Variants in CHD6 observed in about 807,000 individuals in gnomAD.
CHD6 encodes the protein chromodomain helicase DNA binding protein 6, also known as ATP-dependent chromatin remodeler CHD6.
CHD6 carries 50 observed loss-of-function variants against 276.9 expected under a neutral mutation model. The ratio of observed to expected loss-of-function variants is 0.18; its 90% CI spans 0.14 to 0.23. The LOEUF is 0.23. CHD6 is among the 10% of genes least tolerant of loss of function. CHD6 has a pLI of 1.00. For synonymous variants in CHD6, 1,173 were observed against 1,229.3 expected (o/e 0.95, Z 0.96); for missense variants, 2,564 against 3,365.8 (o/e 0.76, Z 5.89).
rs548324728 is a variant in CHD6 at position 41,490,350 on chromosome 20, A to G, written c.1437-329T>C. Reference sequence around the variant, plus strand: ...ACCTAGATGGTATAGCCTACTACATACCTAGGCTATGTGGTATATAGCCTA... The same window carrying G: ...ACCTAGATGGTATAGCCTACTACATGCCTAGGCTATGTGGTATATAGCCTA... On this transcript the variant is annotated intron_variant, in intron 11 of 36. Transcript: ENST00000373233. 3.3e-5 allele frequency among the ~76,000 whole-genome samples: 5 copies of G among 152,312 alleles called. No homozygotes were observed. In the South Asian group the frequency reaches 6.2e-4, roughly 19 times the overall value.
intron 33 of CHD6, 45 bp from the exon 34 acceptor site, chr20:41,415,683 T>C: frequency 1.4e-6 from 2 of 1,408,770 alleles, no homozygotes; most frequent in Non-Finnish European, 1.9e-6. Context: ...GTCACACAAG[T>C]GGCTGAATGC....
intron 17 of CHD6, among the ~76,000 whole-genome samples, chr20:41,470,730 C>T (rs6029698): frequency 0.23 from 35,081 of 152,248 alleles, 4,210 homozygotes; most frequent in East Asian, 0.39. Context: ...TCAGTCACCT[C>T]AGATGACTTT....
chr20:41,468,042 GTCA>G lies in CHD6; in HGVS notation c.2664+5277_2664+5279del, dbSNP rs375552426. Among the ~76,000 whole-genome samples the G allele has an allele frequency of 4.1e-3, 612 of 150,644 alleles. 4 individuals are homozygous for G. The highest frequency in any genetic ancestry group is 0.014 in the African/African-American group (586 of 41,050). On this transcript the variant is annotated intron_variant, in intron 17 of 36. Transcript: ENST00000373233. The stretch of plus-strand genomic sequence containing the variant: ...TCCTTTTCATTATTTCTGCTCAAAT[GTCA>G]TCTTCTTAAAGAAGTCTTCCTAGAC...
At chr20:41,501,441 C>A (rs1465010361) in intron 5 of CHD6, among the ~76,000 whole-genome samples, 1 of 152,140 alleles carries the variant, frequency 6.6e-6, no homozygotes, top group Non-Finnish European at 1.5e-5. Flanking sequence ...CAGACTTCTA[C>A]CACCGTAGAC....
In CHD6 at chr20:41,538,125, C is replaced by T. The variant is rs554222769; in HGVS notation, c.34-4555G>A. The stretch of plus-strand genomic sequence containing the variant: ...CCAGCAAAGGGGAGGCCAAGGTGGG[C>T]GGATCACATGAGGTCAGGAGTTCAA... On this transcript the variant is annotated intron_variant, in intron 2 of 36. Coordinates refer to ENST00000373233, the MANE Select transcript of CHD6 (RefSeq NM_032221.5). 2.4e-4 allele frequency among the ~76,000 whole-genome samples: 36 copies of T among 152,184 alleles called. 1 individual carries two copies. In the South Asian group the frequency reaches 5.2e-3, roughly 22 times the overall value.
intron 17 of CHD6, among the ~76,000 whole-genome samples, chr20:41,470,101 G>A (rs2043019554): frequency 1.3e-5 from 2 of 152,220 alleles, no homozygotes; most frequent in Admixed American, 6.5e-5. Flanking sequence ...TGTGGGGAGA[G>A]TGCATCATTC....
At position 41,499,304 on chromosome 20, in the gene CHD6, A is replaced by T; in HGVS notation, c.906T>A (p.Thr302=). 1.2e-6 allele frequency: 2 copies of T among 1,606,994 alleles called. No homozygotes were observed. The highest frequency in any genetic ancestry group is 1.7e-6 in the Non-Finnish European group (2 of 1,176,060). The part of the protein sequence containing the change: ...NIIEKILASK[T]VQEVHPGEPP... ...AACATGAGCCACCAACCTCCTGGAC[A>T]GTCTTAGATGCCAGGATCTTCTCAA... Residue 302 remains threonine, a synonymous_variant, in exon 6 of 37, where the codon ACT becomes ACA. Coordinates refer to ENST00000373233, the MANE Select transcript of CHD6 (RefSeq NM_032221.5).
chr20:41,607,560 T>C (rs970162959), intron 1 of CHD6, among the ~76,000 whole-genome samples: 1 of 152,154 alleles, frequency 6.6e-6, no homozygotes, highest in Non-Finnish European at 1.5e-5. Context: ...CAATATGAAA[T>C]GCCCAATTAG....
intron 27 of CHD6, among the ~76,000 whole-genome samples, chr20:41,436,254 G>T (rs768038124): frequency 2.6e-5 from 4 of 152,104 alleles, no homozygotes; most frequent in Non-Finnish European, 5.9e-5. Context: ...ACACATAAAA[G>T]ATCTTCAACA....
At chr20:41,514,230 C>T (rs1398673768) in intron 4 of CHD6, among the ~76,000 whole-genome samples, 1 of 152,140 alleles carries the variant, frequency 6.6e-6, no homozygotes, top group African/African-American at 2.4e-5. Flanking sequence ...CTAAGAATAT[C>T]AGAGGAAACA....
At chr20:41,555,810 G>A in intron 1 of CHD6, among the ~76,000 whole-genome samples, 1 of 152,072 alleles carries the variant, frequency 6.6e-6, no homozygotes, top group East Asian at 1.9e-4. Context: ...CCAGACGATG[G>A]GCGGCCAGGC....
intron 2 of CHD6, chr20:41,547,713 A>T: frequency 3.2e-6 from 2 of 623,376 alleles, no homozygotes; most frequent in Admixed American, 3.8e-5. Flanking sequence ...ACAGAAAAAC[A>T]TTAAACACAG....
intron 17 of CHD6, among the ~76,000 whole-genome samples, chr20:41,467,546 C>T (rs1422510398): frequency 1.8e-5 from 2 of 111,684 alleles, no homozygotes; most frequent in Admixed American, 1.1e-4. Context: ...AAATGAATAA[C>T]GACGTTCTGA....
In CHD6 at chr20:41,421,595, T is replaced by G. The variant is rs1249663443; in HGVS notation, c.5040A>C (p.Glu1680Asp). 6.2e-7 allele frequency: 1 copy of G among 1,613,834 alleles called. No homozygotes were observed. The highest frequency in any genetic ancestry group is 1.3e-5 in the African/African-American group (1 of 74,920). ...DHLSLPDVTC[E>D]NFISKVQDVI... ...CATCCTGAACTTTAGAAATAAAGTT[T>G]TCACATGTCACATCAGGCAGGCTGA... The change falls in exon 31 of 37, where the codon GAA becomes GAC. Residue 1680 changes from glutamate (E) to aspartate (D), a missense_variant. Glu to Asp is a conservative substitution (Grantham distance 45). This residue lies in a region of CHD6 where 1,024 missense variants were observed against 1,047.9 expected (regional missense o/e 0.98). Transcript: ENST00000373233.
chr20:41,565,771 C>A (rs976326962), intron 1 of CHD6, among the ~76,000 whole-genome samples: 1 of 152,030 alleles, frequency 6.6e-6, no homozygotes, highest in East Asian at 1.9e-4. Context: ...CTATTTGGGG[C>A]GCTCAGAGAG....
At chr20:41,417,078 T>C in intron 32 of CHD6, 120 bp downstream of exon 32, 1 of 929,644 alleles carries the variant, frequency 1.1e-6, no homozygotes, top group Non-Finnish European at 1.6e-6. Context: ...CTAATATCTT[T>C]TAAAGGTATT....
intron 1 of CHD6, among the ~76,000 whole-genome samples, chr20:41,584,327 C>T (rs578096368): frequency 2.0e-5 from 3 of 152,248 alleles, no homozygotes; most frequent in African/African-American, 7.2e-5. Context: ...CAGAGCTTAA[C>T]AGCATACGAT....
chr20:41,497,217 C>T, intron 8 of CHD6, 167 bp downstream of exon 8: 1 of 595,696 alleles, frequency 1.7e-6, no homozygotes, highest in Non-Finnish European at 3.0e-6. Flanking sequence ...GGATAGTTTT[C>T]TTTGACTTGA....
intron 3 of CHD6, among the ~76,000 whole-genome samples, chr20:41,515,560 A>C (rs1338977962): frequency 6.6e-6 from 1 of 152,156 alleles, no homozygotes; most frequent in East Asian, 1.9e-4. Flanking sequence ...ATTTTCTCTA[A>C]AAGGCCTTTC....
Sources: allele counts gnomAD v4.1 joint callset (sites outside exome capture counted in the v4.1 genomes callset), GRCh38; gene constraint gnomAD v4.1.1; regional missense constraint gnomAD v4.1.1; transcripts MANE v1.5; gene names NCBI Gene and HGNC (gene_info 2026-07-23, HGNC 2026-07-21).